The following KCNK9 variants were observed in gnomAD, a reference collection of about 807,000 sequenced individuals.
The protein encoded by KCNK9 is potassium channel subfamily K member 9.
In KCNK9, 1 loss-of-function variant was observed where a neutral mutation model predicts 10.8. That is an observed-to-expected ratio of 0.09 (90% CI 0.03 to 0.44). KCNK9 has a LOEUF of 0.44. Among genes scored for constraint, KCNK9 ranks in the 20% least tolerant of loss-of-function variants. KCNK9 has a pLI of 0.97. For missense variants in KCNK9, 303 were observed against 515.0 expected (o/e 0.59, Z 3.98); for synonymous variants, 231 against 222.7 (o/e 1.04, Z -0.33).
intron 1 of KCNK9, among the ~76,000 whole-genome samples, chr8:139,641,692 A>G (rs1318893467): frequency 6.6e-6 from 1 of 151,142 alleles, no homozygotes; most frequent in Admixed American, 6.6e-5. Context: ...CCACCTCTTC[A>G]CTGACTGCGC....
chr8:139,613,997 A>G (rs1814506514), downstream of KCNK9, among the ~76,000 whole-genome samples: 1 of 152,196 alleles, frequency 6.6e-6, no homozygotes, highest in Non-Finnish European at 1.5e-5. Flanking sequence ...TTGAAAAAGA[A>G]TATTACAAAA....
chr8:139,659,528 T>C (rs1816099638), intron 1 of KCNK9, among the ~76,000 whole-genome samples: 1 of 152,216 alleles, frequency 6.6e-6, no homozygotes, highest in Non-Finnish European at 1.5e-5. Flanking sequence ...GTTGTTGTTG[T>C]TGAGACGGAG....
intron 1 of KCNK9, among the ~76,000 whole-genome samples, chr8:139,645,411 C>T (rs1235684205): frequency 1.3e-5 from 2 of 152,134 alleles, no homozygotes; most frequent in African/African-American, 4.8e-5. Flanking sequence ...CAGGGAGGGG[C>T]CTTCAGGGTC....
chr8:139,601,636 G>GA (rs1404566265), intron 2 of KCNK9: 3 of 152,162 alleles, frequency 2.0e-5, no homozygotes, highest in Non-Finnish European at 2.9e-5. Flanking sequence ...AATTGAAAGT[G>GA]AAAATCACAT....
chr8:139,660,447 A>ATATATATATATATAT (rs34791987), intron 1 of KCNK9, among the ~76,000 whole-genome samples: 7 of 128,972 alleles, frequency 5.4e-5, no homozygotes, highest in African/African-American at 2.0e-4. Flanking sequence ...CTGCTAAAAA[A>ATATATATATATATAT]AAATATATAT....
intron 1 of KCNK9, among the ~76,000 whole-genome samples, chr8:139,625,879 T>C (rs1354625078): frequency 6.6e-6 from 1 of 152,112 alleles, no homozygotes; most frequent in Non-Finnish European, 1.5e-5. Context: ...CACCTGCCAC[T>C]CCCCAGTGGC....
chr8:139,679,466 T>C (rs1488337904), intron 1 of KCNK9, among the ~76,000 whole-genome samples: 1 of 152,198 alleles, frequency 6.6e-6, no homozygotes, highest in Non-Finnish European at 1.5e-5. Flanking sequence ...CTGGTCAGAT[T>C]TTTCTAACAA....
At chr8:139,687,650 A>ATACATATG (rs1816846476) in intron 1 of KCNK9, among the ~76,000 whole-genome samples, 1 of 110,374 alleles carries the variant, frequency 9.1e-6, no homozygotes, top group African/African-American at 3.4e-5. Context: ...GTATACATAT[A>ATACATATG]TATTCATATG....
chr8:139,610,014 A>G (rs1814368922), downstream of KCNK9, among the ~76,000 whole-genome samples: 1 of 151,938 alleles, frequency 6.6e-6, no homozygotes, highest in Admixed American at 6.6e-5. Flanking sequence ...GATTCCACCC[A>G]TGTTCCCTAG....
chr8:139,623,267 AT>A (rs1563720389), intron 1 of KCNK9, among the ~76,000 whole-genome samples: 1 of 152,068 alleles, frequency 6.6e-6, no homozygotes, highest in African/African-American at 2.4e-5. Context: ...CTGAGAAACC[AT>A]TTTTTTCCCA....
chr8:139,689,501 T>A (rs941172480), intron 1 of KCNK9, among the ~76,000 whole-genome samples: 1 of 152,158 alleles, frequency 6.6e-6, no homozygotes, highest in African/African-American at 2.4e-5. Flanking sequence ...GTGGGCAGGA[T>A]GTATTTCCCA....
chr8:139,615,408 A>G (rs1313208997), downstream of KCNK9, among the ~76,000 whole-genome samples: 14 of 152,130 alleles, frequency 9.2e-5, no homozygotes, highest in Admixed American at 9.2e-4. Flanking sequence ...TTAAGAGAAG[A>G]AAGAACCCTG....
At chr8:139,699,382 C>T (rs1047170974) in intron 1 of KCNK9, among the ~76,000 whole-genome samples, 3 of 152,214 alleles carry the variant, frequency 2.0e-5, no homozygotes, top group African/African-American at 7.2e-5. Context: ...TGGCCCAGCA[C>T]TCCTGACTTT....
chr8:139,606,435 C>T (rs1817489330), intron 2 of KCNK9, among the ~76,000 whole-genome samples: 1 of 152,184 alleles, frequency 6.6e-6, no homozygotes, highest in East Asian at 1.9e-4. Flanking sequence ...CATGCACACA[C>T]ATACCCCAGA....
intron 1 of KCNK9, among the ~76,000 whole-genome samples, chr8:139,644,721 C>CG (rs1554622189): frequency 2.0e-5 from 3 of 150,440 alleles, no homozygotes; most frequent in Non-Finnish European, 3.0e-5. Context: ...CCTGTCCCCC[C>CG]CCCCCAGAGC....
intron 1 of KCNK9, among the ~76,000 whole-genome samples, chr8:139,620,618 G>A (rs1230491821): frequency 6.6e-6 from 1 of 152,032 alleles, no homozygotes; most frequent in African/African-American, 2.4e-5. Context: ...GTGTGAATAT[G>A]TGCCATAACC....
intron 1 of KCNK9, among the ~76,000 whole-genome samples, chr8:139,663,682 T>TGTGTGTGTGTGTGTGTGA (rs1554624294): frequency 6.9e-6 from 1 of 145,758 alleles, no homozygotes; most frequent in Non-Finnish European, 1.5e-5. Context: ...TGTGTGTGTG[T>TGTGTGTGTGTGTGTGTGA]TAGAGAGAGA....
rs1040893209 is a variant in KCNK9, at chr8:139,633,875, C to T, written c.284-14776G>A. Among the ~76,000 whole-genome samples, 3 of 152,244 alleles carry T rather than the reference C, an allele frequency of 2.0e-5. No homozygotes were observed. The East Asian group carries it at 5.8e-4, about 29-fold the overall frequency. On this transcript the variant is annotated intron_variant, in intron 1 of 1. Coordinates refer to ENST00000520439, the MANE Select transcript of KCNK9 (RefSeq NM_001282534.2). Reference sequence around the variant, plus strand: ...GCAAGGGGAATGGCCTCCCTAAAGGCGGGGGCCTCTCCCTGGAGCCTGCAG... The same window carrying T: ...GCAAGGGGAATGGCCTCCCTAAAGGTGGGGGCCTCTCCCTGGAGCCTGCAG...
At position 139,618,429 on chromosome 8, in the gene KCNK9, G is replaced by A. The variant is rs745766718; in HGVS notation, c.954C>T (p.Phe318=). 2.5e-6 allele frequency: 4 copies of A among 1,614,184 alleles called. No individual in the cohort carries two copies. Among genetic ancestry groups the A allele is most frequent in the Non-Finnish European group, 3.4e-6 (4 of 1,180,040 alleles). The change falls in exon 2 of 2, where the codon TTC becomes TTT. Residue 318 remains phenylalanine, a synonymous_variant. Coordinates refer to ENST00000520439, the MANE Select transcript of KCNK9 (RefSeq NM_001282534.2). This position sits in a 1 kb window ranked among gnomAD's most constrained non-coding sequence, Gnocchi z 7.9. ...AGTAGTGGGGGGCAAGCTTGGCGCT[G>A]AAGGAGTTCTGCGGTGCCACCGAGC... ...GGRSVAPQNS[F]SAKLAPHYFH...
Sources: allele counts gnomAD v4.1 joint callset (sites outside exome capture counted in the v4.1 genomes callset), GRCh38; gene constraint gnomAD v4.1.1; non-coding constraint Gnocchi (gnomAD v3.1); transcripts MANE v1.5; gene names NCBI Gene and HGNC (gene_info 2026-07-23, HGNC 2026-07-21).